The following TRPM3 variants were observed in gnomAD, a reference collection of about 807,000 sequenced individuals.
TRPM3 encodes transient receptor potential cation channel subfamily M member 3, also known as long transient receptor potential channel 3.
TRPM3 carries 77 observed loss-of-function variants against 181.2 expected under a neutral mutation model. The ratio of observed to expected loss-of-function variants is 0.42; its 90% CI spans 0.35 to 0.51. The LOEUF (loss-of-function observed/expected upper bound fraction) is 0.51, where lower values mean the gene tolerates loss of function less well. Ranked by LOEUF, TRPM3 falls within the 20% of genes least tolerant of loss-of-function variation. The pLI, the probability that TRPM3 is intolerant of heterozygous loss-of-function variation, is 0.01. For missense variants in TRPM3, 1,759 were observed against 2,196.7 expected (o/e 0.80, Z 3.98); for synonymous variants, 745 against 796.4 (o/e 0.94, Z 1.09).
chr9:71,007,360 A>G (rs939413543), intron 1 of TRPM3, among the ~76,000 whole-genome samples: 30 of 152,294 alleles, frequency 2.0e-4, no homozygotes, highest in Admixed American at 1.8e-3. Flanking sequence ...GACCAAATGT[A>G]CCTAACAGAC....
At chr9:71,201,468 T>C (rs1239774559) in intron 1 of TRPM3, among the ~76,000 whole-genome samples, 1 of 152,224 alleles carries the variant, frequency 6.6e-6, no homozygotes, top group Non-Finnish European at 1.5e-5. Flanking sequence ...CTGCAGAGTG[T>C]TTTCCAACTT....
At chr9:70,778,309 T>C (rs140470515) in intron 7 of TRPM3, among the ~76,000 whole-genome samples, 281 of 152,318 alleles carry the variant, frequency 1.8e-3, no homozygotes, top group African/African-American at 6.5e-3. Flanking sequence ...TTGTGACCTT[T>C]TGTGCCTTTA....
chr9:71,195,964 G>A (rs2078325018), intron 1 of TRPM3, among the ~76,000 whole-genome samples: 1 of 151,522 alleles, frequency 6.6e-6, no homozygotes, highest in African/African-American at 2.4e-5. Flanking sequence ...CCAGAGGATG[G>A]AGAGGAGCCA....
intron 1 of TRPM3, among the ~76,000 whole-genome samples, chr9:71,199,683 G>A (rs891126344): frequency 3.3e-5 from 5 of 151,970 alleles, no homozygotes; most frequent in African/African-American, 9.7e-5. Flanking sequence ...AGTATTCTCC[G>A]ATGGTAGTTT....
chr9:70,539,739 T>G (rs1275632176), intron 25 of TRPM3, among the ~76,000 whole-genome samples: 1 of 152,202 alleles, frequency 6.6e-6, no homozygotes, highest in South Asian at 2.1e-4. Flanking sequence ...TTTGTGTGTC[T>G]CATAGACTTG....
At chr9:71,399,811 G>A (rs750055400) in intron 1 of TRPM3, among the ~76,000 whole-genome samples, 3 of 152,034 alleles carry the variant, frequency 2.0e-5, no homozygotes, top group Non-Finnish European at 2.9e-5. Flanking sequence ...GATTACAGGC[G>A]TGAGCCACTG....
intron 1 of TRPM3, among the ~76,000 whole-genome samples, chr9:71,037,687 T>C (rs1427453778): frequency 6.6e-6 from 1 of 152,210 alleles, no homozygotes; most frequent in Non-Finnish European, 1.5e-5. Flanking sequence ...CTGCAGAACA[T>C]CGGCATGATG....
At chr9:70,610,495 T>G in intron 19 of TRPM3, 114 bp downstream of exon 19, 1 of 1,303,800 alleles carries the variant, frequency 7.7e-7, no homozygotes, top group Non-Finnish European at 1.1e-6. Context: ...CACAGAACTT[T>G]CACTCCTGTG....
intron 9 of TRPM3, among the ~76,000 whole-genome samples, chr9:70,659,297 C>T (rs946593050): frequency 6.6e-6 from 1 of 152,038 alleles, no homozygotes. Flanking sequence ...GTACAGGGTT[C>T]CTGACCGGTG....
At chr9:71,409,011 C>G (rs1383399016) in intron 1 of TRPM3, among the ~76,000 whole-genome samples, 1 of 152,094 alleles carries the variant, frequency 6.6e-6, no homozygotes, top group Non-Finnish European at 1.5e-5. Flanking sequence ...ACTAAGTAAG[C>G]TTCATAAGTG....
chr9:70,954,096 G>A (rs552355521), intron 1 of TRPM3, among the ~76,000 whole-genome samples: 128 of 152,146 alleles, frequency 8.4e-4, no homozygotes, highest in African/African-American at 2.8e-3. Context: ...TGATCATTTC[G>A]GGACAAAGAT....
intron 9 of TRPM3, among the ~76,000 whole-genome samples, chr9:70,644,587 C>A (rs2058534015): frequency 6.6e-6 from 1 of 152,050 alleles, no homozygotes; most frequent in Admixed American, 6.6e-5. Context: ...TATGACAAAC[C>A]CACAGCCAAT....
intron 9 of TRPM3, among the ~76,000 whole-genome samples, chr9:70,666,445 G>A (rs1295739844): frequency 6.6e-6 from 1 of 152,194 alleles, no homozygotes; most frequent in Admixed American, 6.5e-5. Flanking sequence ...AACATCTGCA[G>A]AAAGTGGTTT....
intron 12 of TRPM3, among the ~76,000 whole-genome samples, chr9:70,630,660 C>T (rs1473823036): frequency 6.6e-6 from 1 of 152,200 alleles, no homozygotes; most frequent in Non-Finnish European, 1.5e-5. Flanking sequence ...ACTTCCCCCT[C>T]CCCCTTCGGT....
At chr9:70,825,371 G>A (rs2093486172) in intron 6 of TRPM3, 4 of 152,002 alleles carry the variant, frequency 2.6e-5, no homozygotes, top group Non-Finnish European at 1.5e-5. Context: ...ATATTCACTG[G>A]AAGAGGAGCC....
At chr9:71,116,553 A>G (rs756465554) in intron 1 of TRPM3, among the ~76,000 whole-genome samples, 8 of 152,238 alleles carry the variant, frequency 5.3e-5, no homozygotes, top group Non-Finnish European at 1.2e-4. Flanking sequence ...AACATTGGTT[A>G]TCATTATATG....
chr9:71,403,179 T>C (rs1210446704), intron 1 of TRPM3, among the ~76,000 whole-genome samples: 2 of 152,208 alleles, frequency 1.3e-5, no homozygotes, highest in African/African-American at 4.8e-5. Context: ...ACATTTGTTT[T>C]TATAATTAAA....
intron 1 of TRPM3, among the ~76,000 whole-genome samples, chr9:70,971,031 G>A (rs772045385): frequency 3.9e-5 from 6 of 152,072 alleles, no homozygotes; most frequent in East Asian, 1.9e-4. Context: ...TATCCCACTC[G>A]CTGTTATACA....
intron 25 of TRPM3, among the ~76,000 whole-genome samples, chr9:70,542,745 C>T (rs1222765093): frequency 6.6e-6 from 1 of 152,180 alleles, no homozygotes; most frequent in Non-Finnish European, 1.5e-5. Context: ...AAATTTCAGA[C>T]ATTCCCTGAG....
Sources: gnomAD v4.1 joint callset for allele counts (sites outside exome capture counted in the v4.1 genomes callset) on GRCh38, gnomAD v4.1.1 for gene constraint, MANE v1.5 for transcripts, NCBI Gene and HGNC (gene_info 2026-07-23, HGNC 2026-07-21) for gene names.